NREP: variants seen among roughly 807,000 people sequenced by gnomAD.
NREP encodes neuronal regeneration-related protein.
NREP carries 5 observed loss-of-function variants against 8.6 expected under a neutral mutation model. The observed-to-expected ratio is 0.58, with a 90% CI of 0.30 to 1.22. The LOEUF (loss-of-function observed/expected upper bound fraction) is 1.22, where lower values mean the gene tolerates loss of function less well. Ranked by LOEUF, NREP falls within the 50% of genes most tolerant of loss-of-function variation. NREP has a pLI of 0.07. For synonymous variants in NREP, 27 were observed against 28.0 expected, an observed-to-expected ratio of 0.96 and a Z score of 0.11; for missense variants, 86 against 82.5, an observed-to-expected ratio of 1.04 and a Z score of -0.17.
At chr5:111,889,441 A>G (rs528562938) in intron 2 of NREP, among the ~76,000 whole-genome samples, 2 of 152,334 alleles carry the variant, frequency 1.3e-5, no homozygotes, top group African/African-American at 2.4e-5. Flanking sequence ...TGGGGATTAC[A>G]TATCAACACA....
intron 2 of NREP, among the ~76,000 whole-genome samples, chr5:111,882,347 C>T (rs1262015221): frequency 1.3e-5 from 2 of 152,168 alleles, no homozygotes; most frequent in East Asian, 1.9e-4. Flanking sequence ...ACTGAATCTA[C>T]GTCTGATTGG....
chr5:111,893,981 G>A (rs998935345), intron 2 of NREP, among the ~76,000 whole-genome samples: 1 of 152,080 alleles, frequency 6.6e-6, no homozygotes, highest in Non-Finnish European at 1.5e-5. Flanking sequence ...ACCTTGGGAG[G>A]CCGACGCAGG....
At chr5:111,785,514 A>G (rs1351295796) in intron 2 of NREP, among the ~76,000 whole-genome samples, 2 of 152,060 alleles carry the variant, frequency 1.3e-5, no homozygotes, top group African/African-American at 4.8e-5. Flanking sequence ...TCCTGGCCTC[A>G]TGATCTGCCT....
In NREP at chr5:111,881,648, T is replaced by C. The variant is rs555383856; in HGVS notation, c.135+93626A>G. Among the ~76,000 whole-genome samples the C allele has an allele frequency of 9.8e-4, 149 of 152,132 alleles. 1 individual carries two copies. Among genetic ancestry groups the C allele is most frequent in the African/African-American group, 2.8e-3 (116 of 41,518 alleles). On this transcript the variant is annotated intron_variant, in intron 2 of 3. Transcript: ENST00000395634. ...TGCAACAGAACTTCCAGAGGAACGA[T>C]CAGACAGCAGCATTTGCGGTCCATG...
At chr5:111,829,318 C>G (rs1046274675) in intron 2 of NREP, among the ~76,000 whole-genome samples, 4 of 152,178 alleles carry the variant, frequency 2.6e-5, no homozygotes, top group African/African-American at 9.7e-5. Context: ...AAATGGAACT[C>G]TGGCAGCCAC....
At chr5:111,796,137 T>C (rs980835692) in intron 2 of NREP, among the ~76,000 whole-genome samples, 1 of 152,216 alleles carries the variant, frequency 6.6e-6, no homozygotes, top group Non-Finnish European at 1.5e-5. Flanking sequence ...TTTTAGCTTC[T>C]AAAAGTCAAC....
chr5:111,927,957 G>A (rs991010926), intron 2 of NREP, among the ~76,000 whole-genome samples: 4 of 152,126 alleles, frequency 2.6e-5, no homozygotes, highest in African/African-American at 9.7e-5. Context: ...CTGTGAAAAA[G>A]TCTGGGGCTT....
Position 111,858,100 on chromosome 5 carries a change from A to G in NREP, c.135+117174T>C, listed in dbSNP as rs567768409. 8.5e-5 allele frequency among the ~76,000 whole-genome samples: 13 copies of G among 152,306 alleles called. No individual in the cohort carries two copies. The South Asian group carries it at 2.7e-3, about 32-fold the overall frequency. On this transcript the variant is annotated intron_variant, in intron 2 of 3. Transcript: ENST00000395634. ...GTTCTCTGAGTTTCCTACAACCAGC[A>G]TCATCAACGTTGCCGGGAACTTGAT...
At chr5:111,904,045 T>G (rs1203972600) in intron 2 of NREP, among the ~76,000 whole-genome samples, 2 of 152,284 alleles carry the variant, frequency 1.3e-5, no homozygotes, top group South Asian at 2.1e-4. Context: ...AATATTTTTA[T>G]AATTAATACA....
In NREP at chr5:111,777,413, G is replaced by A. The variant is rs1751391732; in HGVS notation, c.136-41906C>T. Reference sequence around the variant, plus strand: ...TATTTATTATGAGAATCTAACAGTAGTTGTCTCTGGAGAGGAAACCGGGTA... The same window carrying A: ...TATTTATTATGAGAATCTAACAGTAATTGTCTCTGGAGAGGAAACCGGGTA... On this transcript the variant is annotated intron_variant, in intron 2 of 3. Transcript: ENST00000395634. Among the ~76,000 whole-genome samples, 3 of 151,774 alleles carry A rather than the reference G, an allele frequency of 2.0e-5. No homozygotes were observed. The South Asian group carries it at 6.2e-4, about 32-fold the overall frequency.
At chr5:111,848,643 C>T (rs1030681057) in intron 2 of NREP, among the ~76,000 whole-genome samples, 1 of 147,004 alleles carries the variant, frequency 6.8e-6, no homozygotes, top group African/African-American at 2.5e-5. Flanking sequence ...ATAGACAATT[C>T]CCCCCAACCC....
At chr5:111,891,991 G>A (rs1055365787) in intron 2 of NREP, among the ~76,000 whole-genome samples, 52 of 152,324 alleles carry the variant, frequency 3.4e-4, no homozygotes, top group African/African-American at 1.3e-3. Flanking sequence ...TTAGCAGAAT[G>A]TAGAAGTAGA....
At chr5:111,802,609 G>A (rs986461232) in intron 2 of NREP, among the ~76,000 whole-genome samples, 3 of 152,122 alleles carry the variant, frequency 2.0e-5, no homozygotes, top group African/African-American at 7.2e-5. Flanking sequence ...ACAAACTGAT[G>A]GCATGAAAAA....
chr5:111,799,697 T>C (rs1751956994), intron 2 of NREP, among the ~76,000 whole-genome samples: 1 of 152,210 alleles, frequency 6.6e-6, no homozygotes, highest in African/African-American at 2.4e-5. Flanking sequence ...TATTTCCGAT[T>C]TAAGGCTGCC....
chr5:111,821,449 T>C (rs1031116818), intron 2 of NREP, among the ~76,000 whole-genome samples: 2 of 152,222 alleles, frequency 1.3e-5, no homozygotes, highest in African/African-American at 4.8e-5. Flanking sequence ...TCAAATGTGG[T>C]ATAAATAGAT....
intron 2 of NREP, among the ~76,000 whole-genome samples, chr5:111,819,199 T>C (rs778105068): frequency 3.9e-5 from 6 of 152,156 alleles, no homozygotes; most frequent in Non-Finnish European, 8.8e-5. Flanking sequence ...GAGTCACCCC[T>C]GGTCACCTGC....
At chr5:111,785,319 T>A (rs964861595) in intron 2 of NREP, among the ~76,000 whole-genome samples, 1 of 152,100 alleles carries the variant, frequency 6.6e-6, no homozygotes, top group Non-Finnish European at 1.5e-5. Flanking sequence ...CCTTCTGTCA[T>A]CCAGGCTGGA....
rs540672870 is a variant in NREP at position 111,848,652 on chromosome 5, C to A, written c.136-113145G>T. Among the ~76,000 whole-genome samples the A allele has an allele frequency of 4.0e-4, 61 of 152,034 alleles. 1 individual carries two copies. The South Asian group carries it at 0.012, about 30-fold the overall frequency. On this transcript the variant is annotated intron_variant, in intron 2 of 3. Coordinates refer to the NREP transcript ENST00000395634. The stretch of plus-strand genomic sequence containing the variant: ...TTTACGATAGACAATTCCCCCCAAC[C>A]CCCCCATCCCCTGCCACCTTGAAAT...
intron 2 of NREP, among the ~76,000 whole-genome samples, chr5:111,800,095 T>C (rs1385991383): frequency 6.6e-6 from 1 of 151,040 alleles, no homozygotes. Flanking sequence ...CTTTTTTTTT[T>C]TTTTTGTATT....
Sources: gnomAD v4.1 joint callset for allele counts (sites outside exome capture counted in the v4.1 genomes callset) on GRCh38, gnomAD v4.1.1 for gene constraint, MANE v1.5 for transcripts, NCBI Gene and HGNC (gene_info 2026-07-23, HGNC 2026-07-21) for gene names.